Variants in PCDHGC4 observed in about 807,000 individuals in gnomAD.
PCDHGC4 encodes the protein protocadherin gamma-C4.
Under a neutral mutation model 59.7 loss-of-function variants are expected in PCDHGC4, and 15 were observed. The ratio of observed to expected loss-of-function variants is 0.25; its 90% CI spans 0.17 to 0.39. The LOEUF is 0.39. Among genes scored for constraint, PCDHGC4 ranks in the 10% least tolerant of loss-of-function variants. The probability of loss-of-function intolerance (pLI) is 1.00; values close to 1 mark genes in which losing one functional copy is unlikely to be tolerated. For synonymous variants in PCDHGC4, 434 were observed against 481.4 expected, an observed-to-expected ratio of 0.90 and a Z score of 1.29; for missense variants, 1,016 against 1,189.5, an observed-to-expected ratio of 0.85 and a Z score of 2.15.
rs1333951046 is a variant in PCDHGC4, at chr5:141,485,847, C to T, written c.674C>T (p.Thr225Ile). 10 of 1,614,092 alleles carry T rather than the reference C, an allele frequency of 6.2e-6. No individual in the cohort carries two copies. In the African/African-American group the frequency reaches 8.0e-5, roughly 13 times the overall value. Residue 225 changes from threonine to isoleucine, a missense_variant, in exon 1 of 4, where the codon ACC (threonine) becomes ATC (isoleucine). Transcript: ENST00000306593. This position sits in a 1 kb window ranked among gnomAD's most constrained non-coding sequence, Gnocchi z 5.7. Reference protein sequence around the residue: ...VDGGNPPRSGTAELRVSVLDV... With the variant: ...VDGGNPPRSGIAELRVSVLDV... ...GGAGGGAACCCGCCGAGATCTGGCA[C>T]CGCAGAGCTCCGGGTATCCGTGCTG...
At chr5:141,503,023 A>T (rs1163676028) in intron 2 of PCDHGC4, among the ~76,000 whole-genome samples, 1 of 141,884 alleles carries the variant, frequency 7.0e-6, no homozygotes, top group African/African-American at 2.6e-5. Context: ...TTTTTTTTTT[A>T]ATATCTATTT....
intron 2 of PCDHGC4, among the ~76,000 whole-genome samples, chr5:141,496,827 C>A (rs1595415247): frequency 6.6e-6 from 1 of 151,780 alleles, no homozygotes; most frequent in East Asian, 1.9e-4. Context: ...TAGATGTGAT[C>A]CCAGAACTCA....
rs1596285501 is a variant in PCDHGC4, at chr5:141,510,367, C to A, written c.2591-580C>A. Among the ~76,000 whole-genome samples the A allele has an allele frequency of 5.0e-5, 7 of 140,362 alleles. 1 individual carries two copies. In the South Asian group the frequency reaches 1.6e-3, roughly 31 times the overall value. The allele number at this position is 140,362 out of a possible 152,430, so 92.1% of individuals were successfully genotyped here. A position where few individuals can be genotyped will look rare whatever the true frequency, so the allele number is the denominator to read the frequency against. On this transcript the variant is annotated intron_variant, in intron 3 of 3. Transcript: ENST00000306593. ...ACACTTACTAACGGAACTACCGAAT[C>A]TCTACTCGTGCCAGGCCTTGCTTGG...
Position 141,491,706 on chromosome 5 carries a change from G to T in PCDHGC4, c.2443-3101G>T. 6.2e-7 allele frequency: 1 copy of T among 1,611,088 alleles called. No individual in the cohort carries two copies. Among genetic ancestry groups the T allele is most frequent in the Non-Finnish European group, 8.5e-7 (1 of 1,178,772 alleles). On this transcript the variant is annotated intron_variant, in intron 1 of 3. Coordinates refer to ENST00000306593, the MANE Select transcript of PCDHGC4 (RefSeq NM_018928.3). The surrounding 1 kb of genome is among the most constrained non-coding windows in gnomAD (Gnocchi z 6.9). Reference sequence around the variant, plus strand: ...CGCTGCGGGAGCGGAGCCAGGTGAGGGGCTCGGCGCCGCCCCGGGCGACCC... The same window carrying T: ...CGCTGCGGGAGCGGAGCCAGGTGAGTGGCTCGGCGCCGCCCCGGGCGACCC...
In PCDHGC4 at chr5:141,489,597, A is replaced by G; in HGVS notation, c.2442+1982A>G. 6.2e-7 allele frequency: 1 copy of G among 1,614,100 alleles called. No individual in the cohort carries two copies. The highest frequency in any genetic ancestry group is 1.3e-5 in the African/African-American group (1 of 75,040). ...AACACCCCCTGGAGCTAATCCGTGTAGAGGTAGAGATCCTGGATCTCAATG... is the reference window on the plus strand; with the variant it reads ...AACACCCCCTGGAGCTAATCCGTGTGGAGGTAGAGATCCTGGATCTCAATG... On this transcript the variant is annotated intron_variant, in intron 1 of 3. Transcript: ENST00000306593. The surrounding 1 kb of genome is among the most constrained non-coding windows in gnomAD (Gnocchi z 4.5).
At position 141,487,571 on chromosome 5, in the gene PCDHGC4, G is replaced by A; in HGVS notation, c.2398G>A (p.Val800Ile). The A allele has an allele frequency of 4.3e-6, 7 of 1,614,178 alleles. No individual in the cohort carries two copies. The highest frequency in any genetic ancestry group is 5.9e-6 in the Non-Finnish European group (7 of 1,180,038). The change falls in exon 1 of 4, where the codon GTT becomes ATT. Residue 800 changes from valine (V) to isoleucine (I), a missense_variant. Coordinates refer to ENST00000306593, the MANE Select transcript of PCDHGC4 (RefSeq NM_018928.3). This position sits in a 1 kb window ranked among gnomAD's most constrained non-coding sequence, Gnocchi z 5.0. ...SPSAPMAGEP[V>I]RPSCPPSDLL... ...CAGTGCACCTATGGCAGGGGAGCCTGTTCGCCCAAGCTGCCCACCCTCTGA... is the reference window on the plus strand; with the variant it reads ...CAGTGCACCTATGGCAGGGGAGCCTATTCGCCCAAGCTGCCCACCCTCTGA...
chr5:141,509,516 T>C (rs2099877144), intron 3 of PCDHGC4, among the ~76,000 whole-genome samples: 1 of 152,130 alleles, frequency 6.6e-6, no homozygotes, highest in Non-Finnish European at 1.5e-5. Context: ...GTGTTGATGA[T>C]GTATTGCACA....
rs1300601208 is a variant in PCDHGC4 at position 141,499,206 on chromosome 5, AC to A, written c.2501+4344del. On this transcript the variant is annotated intron_variant, in intron 2 of 3. Transcript: ENST00000306593. ...ACCATTTCCCCCTTCTTAGGCTGTA[AC>A]CCAGGCCCTGCCCTGCAGCTGTCCC... Among the ~76,000 whole-genome samples the A allele has an allele frequency of 3.3e-5, 5 of 152,062 alleles. No homozygotes were observed. In the East Asian group the frequency reaches 7.7e-4, roughly 24 times the overall value.
chr5:141,510,510 G>A (rs1042950478), intron 3 of PCDHGC4, among the ~76,000 whole-genome samples: 5 of 152,132 alleles, frequency 3.3e-5, no homozygotes, highest in Non-Finnish European at 5.9e-5. Context: ...CTGAGAGCCC[G>A]TGTCACAGCC....
rs750139205 is a variant in PCDHGC4 at position 141,489,738 on chromosome 5, T to C, written c.2442+2123T>C. Reference sequence around the variant, plus strand: ...AGGATCCGGATGTGGGCACCAATACTGTGAGCTTTTACACTCTAAGCCCCA... The same window carrying C: ...AGGATCCGGATGTGGGCACCAATACCGTGAGCTTTTACACTCTAAGCCCCA... On this transcript the variant is annotated intron_variant, in intron 1 of 3. Coordinates refer to ENST00000306593, the MANE Select transcript of PCDHGC4 (RefSeq NM_018928.3). This position sits in a 1 kb window ranked among gnomAD's most constrained non-coding sequence, Gnocchi z 4.5. 1 of 1,614,168 alleles carries C rather than the reference T, an allele frequency of 6.2e-7. No individual in the cohort carries two copies. Among genetic ancestry groups the C allele is most frequent in the Non-Finnish European group, 8.5e-7 (1 of 1,180,030 alleles).
In PCDHGC4 at chr5:141,485,576, C is replaced by T. The variant is rs1347032247; in HGVS notation, c.403C>T (p.Arg135Trp). ...DVNDHAPRFP[R>W]QQLDLEIGEA... ...GAATGATCACGCCCCCCGTTTTCCG[C>T]GGCAGCAGCTGGACTTGGAAATTGG... The change falls in exon 1 of 4, where the codon CGG becomes TGG. Residue 135 changes from arginine to tryptophan, a missense_variant. Physicochemically the swap from Arg to Trp is moderately radical, Grantham distance 101. Transcript: ENST00000306593. The surrounding 1 kb of genome is among the most constrained non-coding windows in gnomAD (Gnocchi z 5.7). 21 of 1,612,296 alleles carry T rather than the reference C, an allele frequency of 1.3e-5. 1 individual carries two copies. Among genetic ancestry groups the T allele is most frequent in the Non-Finnish European group, 1.8e-5 (21 of 1,178,636 alleles).
chr5:141,503,024 A>G (rs574653661), intron 2 of PCDHGC4, among the ~76,000 whole-genome samples: 2 of 150,210 alleles, frequency 1.3e-5, no homozygotes, highest in South Asian at 2.1e-4. Context: ...TTTTTTTTTA[A>G]TATCTATTTT....
rs757797019 is a variant in PCDHGC4 at position 141,487,064 on chromosome 5, G to A, written c.1891G>A (p.Ala631Thr). Residue 631 changes from alanine (A) to threonine (T), a missense_variant, in exon 1 of 4, where the codon GCT (alanine) becomes ACT (threonine). Ala to Thr is a moderately conservative substitution (Grantham distance 58). Transcript: ENST00000306593. The surrounding 1 kb of genome is among the most constrained non-coding windows in gnomAD (Gnocchi z 5.0). The stretch of plus-strand genomic sequence containing the variant: ...TCGATATGCTGGGGAGGTGCGGACG[G>A]CTGTTCCTATCCCAGCTGACCTCCC... ...VSRYAGEVRT[A>T]VPIPADLPPQ... 6.2e-6 allele frequency: 10 copies of A among 1,614,006 alleles called. No individual in the cohort carries two copies.
intron 2 of PCDHGC4, among the ~76,000 whole-genome samples, chr5:141,502,352 C>G (rs544911376): frequency 3.2e-4 from 49 of 151,888 alleles, no homozygotes; most frequent in African/African-American, 1.2e-3. Flanking sequence ...TTTTTAATGA[C>G]ATGGATATTT....
rs1487863444 is a variant in PCDHGC4 at position 141,491,016 on chromosome 5, G to A, written c.2442+3401G>A. On this transcript the variant is annotated intron_variant, in intron 1 of 3. Transcript: ENST00000306593. This position sits in a 1 kb window ranked among gnomAD's most constrained non-coding sequence, Gnocchi z 6.9. ...CTCCTGGCTCCTTGGTCACCAAGGTGACAGCCGTGGATGCTGATGCAGGCC... is the reference window on the plus strand; with the variant it reads ...CTCCTGGCTCCTTGGTCACCAAGGTAACAGCCGTGGATGCTGATGCAGGCC... 2.5e-6 allele frequency: 4 copies of A among 1,614,136 alleles called. No individual in the cohort carries two copies. The African/African-American group carries it at 5.3e-5, about 22-fold the overall frequency.
rs753581561 is a variant in PCDHGC4, at chr5:141,485,195, T to G, written c.22T>G (p.Trp8Gly). 2.2e-5 allele frequency: 36 copies of G among 1,613,912 alleles called. No homozygotes were observed. Among genetic ancestry groups the G allele is most frequent in the Non-Finnish European group, 1.4e-5 (16 of 1,179,906 alleles). MLRKVRS[W>G]TEIWRWATLL... is the part of the protein sequence containing the mutation. ...AGCAATGCTCCGCAAGGTGAGAAGC[T>G]GGACAGAAATCTGGCGGTGGGCTAC... is the stretch of plus-strand genomic sequence containing the variant. Residue 8 changes from tryptophan to glycine, a missense_variant, in exon 1 of 4, where the codon TGG becomes GGG. Trp to Gly is a radical substitution (Grantham distance 184). Transcript: ENST00000306593. The surrounding 1 kb of genome is among the most constrained non-coding windows in gnomAD (Gnocchi z 5.7).
chr5:141,485,682 A>G lies in PCDHGC4; in HGVS notation c.509A>G (p.Tyr170Cys), dbSNP rs779441999. Reference protein sequence around the residue: ...ADVGSNSISSYRLSSNEHFAL... With the variant: ...ADVGSNSISSCRLSSNEHFAL... Reference sequence around the variant, plus strand: ...GTGGGGAGCAATTCGATTAGCAGCTATAGGCTGAGCTCCAATGAACACTTT... The same window carrying G: ...GTGGGGAGCAATTCGATTAGCAGCTGTAGGCTGAGCTCCAATGAACACTTT... The change falls in exon 1 of 4, where the codon TAT (tyrosine) becomes TGT (cysteine). Residue 170 changes from tyrosine to cysteine, a missense_variant. Coordinates refer to ENST00000306593, the MANE Select transcript of PCDHGC4 (RefSeq NM_018928.3). This position sits in a 1 kb window ranked among gnomAD's most constrained non-coding sequence, Gnocchi z 5.7. 6.2e-7 allele frequency: 1 copy of G among 1,614,076 alleles called. No homozygotes were observed. Among genetic ancestry groups the G allele is most frequent in the Non-Finnish European group, 8.5e-7 (1 of 1,179,964 alleles).
intron 2 of PCDHGC4, among the ~76,000 whole-genome samples, chr5:141,496,769 C>T (rs1434587849): frequency 2.0e-5 from 3 of 152,064 alleles, no homozygotes; most frequent in African/African-American, 7.3e-5. Flanking sequence ...CGAGCATCTA[C>T]TATGAGCAGG....
intron 1 of PCDHGC4, among the ~76,000 whole-genome samples, chr5:141,492,118 TC>T (rs1338861093): frequency 6.6e-6 from 1 of 152,176 alleles, no homozygotes; most frequent in Non-Finnish European, 1.5e-5. Flanking sequence ...CTTCGATTTC[TC>T]CCCAGCTCCC....
Sources: gnomAD v4.1 joint callset for allele counts (sites outside exome capture counted in the v4.1 genomes callset) on GRCh38, gnomAD v4.1.1 for gene constraint, Gnocchi (gnomAD v3.1) non-coding constraint, MANE v1.5 for transcripts, NCBI Gene and HGNC (gene_info 2026-07-23, HGNC 2026-07-21) for gene names.